The following DLGAP1 variants were observed in gnomAD, a reference collection of about 807,000 sequenced individuals.
DLGAP1 encodes the protein disks large-associated protein 1.
In DLGAP1, 11 loss-of-function variants were observed where a neutral mutation model predicts 90.8. The ratio of observed to expected loss-of-function variants is 0.12; its 90% CI spans 0.08 to 0.20. DLGAP1 has a LOEUF of 0.20. Among genes scored for constraint, DLGAP1 ranks in the 10% least tolerant of loss-of-function variants. The probability of loss-of-function intolerance (pLI) is 1.00; values close to 1 mark genes in which losing one functional copy is unlikely to be tolerated. For missense variants in DLGAP1, 1,050 were observed against 1,333.8 expected, an observed-to-expected ratio of 0.79 and a Z score of 3.31; for synonymous variants, 558 against 540.7, an observed-to-expected ratio of 1.03 and a Z score of -0.44.
intron 5 of DLGAP1, among the ~76,000 whole-genome samples, chr18:3,786,274 G>A (rs1449156404): frequency 6.6e-6 from 1 of 152,080 alleles, no homozygotes; most frequent in Non-Finnish European, 1.5e-5. Flanking sequence ...GAGGTCAAAG[G>A]CTGAGATAAT....
At chr18:3,644,181 A>T (rs2059037906) in intron 7 of DLGAP1, among the ~76,000 whole-genome samples, 2 of 152,172 alleles carry the variant, frequency 1.3e-5, no homozygotes, top group African/African-American at 2.4e-5. Flanking sequence ...TGGGTCTCTG[A>T]GAGACTGTGT....
intron 1 of DLGAP1, among the ~76,000 whole-genome samples, chr18:4,338,680 G>A (rs553902964): frequency 1.3e-5 from 2 of 152,302 alleles, no homozygotes; most frequent in Admixed American, 1.3e-4. Flanking sequence ...ACGACAGACG[G>A]TGAATGAATA....
Position 3,553,304 on chromosome 18 carries a change from T to G in DLGAP1, c.2057+14186A>C, listed in dbSNP as rs1020496456. The stretch of plus-strand genomic sequence containing the variant: ...ATACATAGGATTATTCCACCAACTC[T>G]TTAAATGTTCGTGGAAAAAGTGTGG... On this transcript the variant is annotated intron_variant, in intron 9 of 12. Coordinates refer to ENST00000315677, the MANE Select transcript of DLGAP1 (RefSeq NM_004746.4). Among the ~76,000 whole-genome samples, 4 of 152,204 alleles carry G rather than the reference T, an allele frequency of 2.6e-5. No homozygotes were observed. The East Asian group carries it at 7.7e-4, about 29-fold the overall frequency.
At chr18:3,877,969 T>A (rs924339971) in intron 4 of DLGAP1, among the ~76,000 whole-genome samples, 1 of 152,160 alleles carries the variant, frequency 6.6e-6, no homozygotes, top group African/African-American at 2.4e-5. Context: ...GGCACTGCCC[T>A]TGTCCAGGGA....
At chr18:3,616,046 G>T (rs908103238) in intron 7 of DLGAP1, among the ~76,000 whole-genome samples, 8 of 152,190 alleles carry the variant, frequency 5.3e-5, no homozygotes, top group Non-Finnish European at 1.5e-5. Flanking sequence ...CCAGGAAGGA[G>T]AAATGAAATT....
rs577695334 is a variant in DLGAP1 at position 3,611,682 on chromosome 18, C to T, written c.1592-29434G>A. Among the ~76,000 whole-genome samples the T allele has an allele frequency of 3.6e-3, 541 of 152,302 alleles. 3 individuals are homozygous for T. Among genetic ancestry groups the T allele is most frequent in the African/African-American group, 0.011 (477 of 41,572 alleles). ...CGTTTCTCAGGGCTTGTATGGTGGACCCCTGCCAGTGGTTTCAAACCTTTT... is the reference window on the plus strand; with the variant it reads ...CGTTTCTCAGGGCTTGTATGGTGGATCCCTGCCAGTGGTTTCAAACCTTTT... On this transcript the variant is annotated intron_variant, in intron 7 of 12. Transcript: ENST00000315677.
At chr18:3,507,507 C>T (rs187742565) in intron 11 of DLGAP1, among the ~76,000 whole-genome samples, 5 of 152,092 alleles carry the variant, frequency 3.3e-5, no homozygotes, top group African/African-American at 1.2e-4. Flanking sequence ...GACAACAGAG[C>T]GAGACTCCAT....
chr18:4,318,927 T>C (rs2080603335), intron 1 of DLGAP1, among the ~76,000 whole-genome samples: 1 of 152,224 alleles, frequency 6.6e-6, no homozygotes, highest in African/African-American at 2.4e-5. Flanking sequence ...AGATCTATTG[T>C]ACAACAAGGT....
In DLGAP1 at chr18:3,824,673, A is replaced by G. The variant is rs74602171; in HGVS notation, c.958-10400T>C. 9.4e-3 allele frequency among the ~76,000 whole-genome samples: 1,438 copies of G among 152,316 alleles called. 61 individuals are homozygous for G. The highest frequency in any genetic ancestry group is 0.068 in the East Asian group (352 of 5,188). On this transcript the variant is annotated intron_variant, in intron 4 of 12. Transcript: ENST00000315677. ...TAACTTACATATTTGACATTTATAA[A>G]CAAAGAAAAATCTCAATAGATTTAA...
intron 3 of DLGAP1, among the ~76,000 whole-genome samples, chr18:3,994,542 G>A (rs948449942): frequency 3.3e-5 from 5 of 152,194 alleles, no homozygotes; most frequent in Admixed American, 3.3e-4. Flanking sequence ...GAAGCTGAGA[G>A]GAGCTGAAAT....
chr18:4,316,208 T>A (rs982406022), intron 1 of DLGAP1, among the ~76,000 whole-genome samples: 4 of 152,214 alleles, frequency 2.6e-5, no homozygotes, highest in Non-Finnish European at 5.9e-5. Context: ...GAGCTGCTAA[T>A]GCCTATTGAT....
chr18:4,074,981 T>C (rs2075503058), intron 2 of DLGAP1, among the ~76,000 whole-genome samples: 2 of 152,196 alleles, frequency 1.3e-5, no homozygotes, highest in Admixed American at 1.3e-4. Context: ...TGTTTCTTGC[T>C]TGCAACACTT....
chr18:4,057,039 AC>A (rs2075229766), intron 2 of DLGAP1, among the ~76,000 whole-genome samples: 2 of 150,790 alleles, frequency 1.3e-5, no homozygotes, highest in African/African-American at 2.4e-5. Flanking sequence ...ACACACACAC[AC>A]ACACACACAC....
intron 2 of DLGAP1, among the ~76,000 whole-genome samples, chr18:4,076,940 T>C (rs866295966): frequency 2.6e-5 from 4 of 152,122 alleles, no homozygotes; most frequent in Admixed American, 2.0e-4. Context: ...ATAGTATTTA[T>C]CACCATTTGT....
chr18:4,371,146 G>A (rs11876462), intron 1 of DLGAP1, among the ~76,000 whole-genome samples: 21,127 of 152,218 alleles, frequency 0.14, 1,730 homozygotes, highest in African/African-American at 0.22. Context: ...AAGTACATTT[G>A]CAGGTGTCTG....
intron 1 of DLGAP1, among the ~76,000 whole-genome samples, chr18:4,220,754 C>G (rs906360493): frequency 6.6e-6 from 1 of 152,096 alleles, no homozygotes; most frequent in African/African-American, 2.4e-5. Flanking sequence ...TAGATGAACT[C>G]TTACTCTTTT....
At chr18:4,207,776 C>T (rs2077752933) in intron 1 of DLGAP1, among the ~76,000 whole-genome samples, 1 of 152,176 alleles carries the variant, frequency 6.6e-6, no homozygotes, top group African/African-American at 2.4e-5. Flanking sequence ...GTTTGGGGAC[C>T]CAAATCCCAG....
chr18:4,206,677 GC>G (rs1160185633), intron 1 of DLGAP1, among the ~76,000 whole-genome samples: 4 of 152,092 alleles, frequency 2.6e-5, no homozygotes. Context: ...CCTTCTTTAT[GC>G]CCCTTCACCT....
At chr18:3,803,980 AT>A (rs1568163043) in intron 5 of DLGAP1, among the ~76,000 whole-genome samples, 2 of 77,800 alleles carry the variant, frequency 2.6e-5, no homozygotes, top group Non-Finnish European at 5.6e-5. Context: ...ATATATATAT[AT>A]ATATATATAT....
Sources: gnomAD v4.1 joint callset for allele counts (sites outside exome capture counted in the v4.1 genomes callset) on GRCh38, gnomAD v4.1.1 for gene constraint, MANE v1.5 for transcripts, NCBI Gene and HGNC (gene_info 2026-07-23, HGNC 2026-07-21) for gene names.